Variants in PITPNM3 observed in about 807,000 individuals in gnomAD.
PITPNM3 encodes membrane-associated phosphatidylinositol transfer protein 3.
A neutral mutation model predicts 102.0 loss-of-function variants in PITPNM3; 26 were observed. The observed-to-expected ratio is 0.25, with a 90% CI of 0.19 to 0.35. The LOEUF (loss-of-function observed/expected upper bound fraction) is 0.35, where lower values mean the gene tolerates loss of function less well. Ranked by LOEUF, PITPNM3 falls within the 10% of genes least tolerant of loss-of-function variation. The probability of loss-of-function intolerance (pLI) is 1.00; values close to 1 mark genes in which losing one functional copy is unlikely to be tolerated. For synonymous variants in PITPNM3, 578 were observed against 558.6 expected (o/e 1.03, Z -0.49); for missense variants, 1,083 against 1,346.1 (o/e 0.80, Z 3.06).
chr17:6,514,077 A>G, intron 3 of PITPNM3, among the ~76,000 whole-genome samples: 1 of 152,230 alleles, frequency 6.6e-6, no homozygotes, highest in East Asian at 1.9e-4. Context: ...CACACTCAAA[A>G]GAACTCCTAG....
chr17:6,535,776 A>C (rs1467642098), intron 2 of PITPNM3, among the ~76,000 whole-genome samples: 2 of 150,060 alleles, frequency 1.3e-5, no homozygotes, highest in Non-Finnish European at 3.0e-5. Context: ...AAAAAAAATT[A>C]GCCAGGTATG....
At chr17:6,483,846 C>T in intron 5 of PITPNM3, 94 bp from the exon 6 acceptor site, 1 of 1,053,022 alleles carries the variant, frequency 9.5e-7, no homozygotes, top group South Asian at 1.3e-5. Context: ...CATACACACA[C>T]ACTCACACAC....
At chr17:6,541,647 G>A (rs1482326145) in intron 1 of PITPNM3, among the ~76,000 whole-genome samples, 1 of 152,046 alleles carries the variant, frequency 6.6e-6, no homozygotes, top group Non-Finnish European at 1.5e-5. Context: ...AAGTCTCCTG[G>A]GGGAGGGGAC....
At chr17:6,503,413 G>T in intron 4 of PITPNM3, 114 bp downstream of exon 4, 1 of 1,262,646 alleles carries the variant, frequency 7.9e-7, no homozygotes, top group Non-Finnish European at 1.1e-6. Context: ...AGGCAAGATG[G>T]CAGGGATCCT....
chr17:6,516,875 G>T (rs943811721), intron 3 of PITPNM3, among the ~76,000 whole-genome samples: 1 of 151,504 alleles, frequency 6.6e-6, no homozygotes, highest in African/African-American at 2.4e-5. Flanking sequence ...ATTAAAAAAA[G>T]AAAGAAAGAA....
Position 6,468,380 on chromosome 17 carries a change from G to A in PITPNM3, c.1774-39C>T. On this transcript the variant is annotated intron_variant, in intron 13 of 19. Transcript: ENST00000262483. The surrounding 1 kb of genome is among the most constrained non-coding windows in gnomAD (Gnocchi z 5.2). Reference sequence around the variant, plus strand: ...GAGCAGGGCCCCGGTCAGGTCTTCTGGCTTCTCTGCTTCCCTCCCAGGGTG... The same window carrying A: ...GAGCAGGGCCCCGGTCAGGTCTTCTAGCTTCTCTGCTTCCCTCCCAGGGTG... 1.3e-6 allele frequency: 2 copies of A among 1,598,456 alleles called. No individual in the cohort carries two copies. Among genetic ancestry groups the A allele is most frequent in the Non-Finnish European group, 1.7e-6 (2 of 1,166,128 alleles).
chr17:6,513,935 G>A (rs567878693), intron 3 of PITPNM3, among the ~76,000 whole-genome samples: 11 of 152,202 alleles, frequency 7.2e-5, no homozygotes, highest in Non-Finnish European at 1.5e-4. Flanking sequence ...ATACACCTGA[G>A]TGGAATAGAA....
rs1373445780 is a variant in PITPNM3, at chr17:6,455,578, C to T, written c.2685G>A (p.Lys895=). ...GCAGGATCATGCGCGAGTTGTTCTT[C>T]TTTGGGCGTGAGCGGTGGCTGGCCT... is the stretch of plus-strand genomic sequence containing the variant. ...ALEASHRSRP[K]KNNSRMILRK... The change falls in exon 20 of 20, where the codon AAG becomes AAA. Residue 895 remains lysine, a synonymous_variant. Coordinates refer to ENST00000262483, the MANE Select transcript of PITPNM3 (RefSeq NM_031220.4). 1 of 1,598,472 alleles carries T rather than the reference C, an allele frequency of 6.3e-7. No homozygotes were observed. The highest frequency in any genetic ancestry group is 1.1e-5 in the South Asian group (1 of 90,842).
At position 6,468,435 on chromosome 17, in the gene PITPNM3, G is replaced by T. The variant is rs1191575136; in HGVS notation, c.1774-94C>A. ...TGCCCACCAGCTTGTGGCCAGCTGGGCCCTGCCCCTGCAACCCCCCAACCT... is the reference window on the plus strand; with the variant it reads ...TGCCCACCAGCTTGTGGCCAGCTGGTCCCTGCCCCTGCAACCCCCCAACCT... On this transcript the variant is annotated intron_variant, in intron 13 of 19. Transcript: ENST00000262483. This position sits in a 1 kb window ranked among gnomAD's most constrained non-coding sequence, Gnocchi z 5.2. 15 of 1,294,414 alleles carry T rather than the reference G, an allele frequency of 1.2e-5. No homozygotes were observed. The highest frequency in any genetic ancestry group is 1.6e-5 in the Non-Finnish European group (14 of 894,804). The allele number at this position is 1,294,414 out of a possible 1,614,324, so 80.2% of individuals were successfully genotyped here.
At chr17:6,471,805 A>C (rs1359049670) in intron 11 of PITPNM3, among the ~76,000 whole-genome samples, 3 of 152,128 alleles carry the variant, frequency 2.0e-5, no homozygotes, top group Non-Finnish European at 4.4e-5. Flanking sequence ...GAGCTAGGAT[A>C]GCCTCAGGGG....
intron 1 of PITPNM3, among the ~76,000 whole-genome samples, chr17:6,552,237 C>T (rs1285300552): frequency 6.6e-6 from 1 of 152,160 alleles, no homozygotes; most frequent in Non-Finnish European, 1.5e-5. Flanking sequence ...TGCAGATATT[C>T]CTGCCCCAGC....
chr17:6,525,327 T>A (rs781496645), intron 3 of PITPNM3, 29 bp downstream of exon 3: 3 of 1,598,830 alleles, frequency 1.9e-6, no homozygotes, highest in East Asian at 2.2e-5. Context: ...TATGTGCACA[T>A]CCTGGTCATG....
intron 3 of PITPNM3, among the ~76,000 whole-genome samples, chr17:6,512,515 T>C (rs1907923950): frequency 6.6e-6 from 1 of 152,146 alleles, no homozygotes; most frequent in Non-Finnish European, 1.5e-5. Flanking sequence ...CTAGTTAAAA[T>C]GTGGATTCTG....
rs1281012618 is a variant in PITPNM3 at position 6,453,917 on chromosome 17, G to T, written c.*1421C>A. 1 of 152,512 alleles carries T rather than the reference G, an allele frequency of 6.6e-6. No individual in the cohort carries two copies. The highest frequency in any genetic ancestry group is 1.5e-5 in the Non-Finnish European group (1 of 68,278). 9.4% of individuals were successfully genotyped at this position (152,512 alleles called of 1,614,324 possible). On this transcript the variant is annotated 3_prime_UTR_variant, in exon 20 of 20. Transcript: ENST00000262483. ...TGTGGGCCTGGGCCAGGGAGTCGGG[G>T]TTTTCCAGGATGCAGGAAAGCAGTG...
chr17:6,484,382 C>A (rs1410360503), intron 4 of PITPNM3, 90 bp from the exon 5 acceptor site: 1 of 1,310,322 alleles, frequency 7.6e-7, no homozygotes, highest in African/African-American at 1.5e-5. Flanking sequence ...AAAGGTGAGA[C>A]CTTGGCTTAC....
intron 14 of PITPNM3, among the ~76,000 whole-genome samples, chr17:6,466,825 TAGTAGCCGAAAGGTG>T (rs1420591328): frequency 6.6e-6 from 1 of 152,072 alleles, no homozygotes; most frequent in Admixed American, 6.6e-5. Context: ...GCATTATTCA[TAGTAGCCGAAAGGTG>T]AAAACACCAG....
rs935475469 is a variant in PITPNM3, at chr17:6,470,518, C to T, written c.1625-110G>A. Reference sequence around the variant, plus strand: ...GGTGGTGGATGCCCCACGTGGGGCACGGGTTTGGGCGGGAGCACCCTGGCC... The same window carrying T: ...GGTGGTGGATGCCCCACGTGGGGCATGGGTTTGGGCGGGAGCACCCTGGCC... On this transcript the variant is annotated intron_variant, in intron 12 of 19. Transcript: ENST00000262483. The surrounding 1 kb of genome is among the most constrained non-coding windows in gnomAD (Gnocchi z 4.8). 7.8e-6 allele frequency: 11 copies of T among 1,417,392 alleles called. No homozygotes were observed. Among genetic ancestry groups the T allele is most frequent in the Admixed American group, 5.4e-5 (3 of 55,658 alleles). The allele number at this position is 1,417,392 out of a possible 1,614,324, so 87.8% of individuals were successfully genotyped here. A position where few individuals can be genotyped will look rare whatever the true frequency, so the allele number is the denominator to read the frequency against.
intron 1 of PITPNM3, among the ~76,000 whole-genome samples, chr17:6,553,571 G>A (rs1207278598): frequency 1.3e-5 from 2 of 152,192 alleles, no homozygotes; most frequent in East Asian, 3.8e-4. Context: ...CTAAAGTCAG[G>A]TACCATGGCA....
Position 6,458,788 on chromosome 17 carries a change from C to T in PITPNM3, c.2491-1066G>A, listed in dbSNP as rs1163454269. On this transcript the variant is annotated intron_variant, in intron 18 of 19. Coordinates refer to ENST00000262483, the MANE Select transcript of PITPNM3 (RefSeq NM_031220.4). This position sits in a 1 kb window ranked among gnomAD's most constrained non-coding sequence, Gnocchi z 5.1. ...ATTCTCTCACCCCTTCATCCTCCTC[C>T]CACACCTGCCCGGCCAAATCTCAGC... 6.6e-6 allele frequency among the ~76,000 whole-genome samples: 1 copy of T among 152,094 alleles called. No homozygotes were observed. The highest frequency in any genetic ancestry group is 2.4e-5 in the African/African-American group (1 of 41,402).
Sources: allele counts gnomAD v4.1 joint callset (sites outside exome capture counted in the v4.1 genomes callset), GRCh38; gene constraint gnomAD v4.1.1; non-coding constraint Gnocchi (gnomAD v3.1); transcripts MANE v1.5; gene names NCBI Gene and HGNC (gene_info 2026-07-23, HGNC 2026-07-21).